The following PARP1 variants were observed in gnomAD, a reference collection of about 807,000 sequenced individuals.
PARP1 encodes poly(ADP-ribose) polymerase 1, also known as poly [ADP-ribose] polymerase 1.
A neutral mutation model predicts 118.7 loss-of-function variants in PARP1; 44 were observed. The ratio of observed to expected loss-of-function variants is 0.37; its 90% CI spans 0.29 to 0.48. The LOEUF (loss-of-function observed/expected upper bound fraction) is 0.48. PARP1 is among the 20% of genes least tolerant of loss of function. The pLI is 0.99. For missense variants in PARP1, 1,100 were observed against 1,272.4 expected (o/e 0.86, Z 2.06); for synonymous variants, 492 against 483.2 (o/e 1.02, Z -0.24).
intron 1 of PARP1, 50 bp from the exon 2 acceptor site, chr1:226,402,429 T>C (rs1447703160): frequency 1.3e-6 from 2 of 1,561,310 alleles, no homozygotes; most frequent in African/African-American, 2.7e-5. Flanking sequence ...AACTTTTGAC[T>C]TAGACCCACT....
chr1:226,379,419 C>T (rs1032668764), intron 11 of PARP1, 145 bp from the exon 12 acceptor site: 279 of 1,229,926 alleles, frequency 2.3e-4, no homozygotes, highest in Middle Eastern at 5.8e-4. Flanking sequence ...TGTGTGTTCT[C>T]AGGACTGGGG....
intron 1 of PARP1, among the ~76,000 whole-genome samples, chr1:226,405,774 G>A (rs913518279): frequency 3.3e-5 from 5 of 152,068 alleles, no homozygotes; most frequent in Admixed American, 6.6e-5. Context: ...CTGTTAAGGC[G>A]CCTGGATGTC....
chr1:226,371,161 G>A (rs1276361671), intron 14 of PARP1: 1 of 156,492 alleles, frequency 6.4e-6, no homozygotes, highest in African/African-American at 2.4e-5. Flanking sequence ...TGTTAAGTGG[G>A]GCCACCTTCC....
intron 1 of PARP1, among the ~76,000 whole-genome samples, chr1:226,406,971 G>A (rs1014327700): frequency 2.0e-5 from 3 of 152,158 alleles, no homozygotes; most frequent in African/African-American, 2.4e-5. Context: ...GAAGCGAGGA[G>A]GAACAGGGCA....
At chr1:226,405,197 C>A (rs1189399582) in intron 1 of PARP1, among the ~76,000 whole-genome samples, 1 of 152,208 alleles carries the variant, frequency 6.6e-6, no homozygotes, top group African/African-American at 2.4e-5. Context: ...TCTGAATCCA[C>A]CCTTAATCAC....
chr1:226,380,039 G>C lies in PARP1; in HGVS notation c.1426C>G (p.His476Asp). ...TCTGCCCCCCAAGGGGACAAGATGT[G>C]CGCTAAGAACAACTCCTGAAGGCTC... Reference protein sequence around the residue: ...TKSLQELFLAHILSPWGAEVK... With the variant: ...TKSLQELFLADILSPWGAEVK... The change falls in exon 10 of 23, where the codon CAC becomes GAC. Residue 476 changes from histidine (H) to aspartate (D), a missense_variant. By Grantham distance (81) the His-to-Asp change is moderately conservative. Around this residue, in one of 2 missense-constraint regions of PARP1, gnomAD observed 948 missense variants for 1,031.8 expected, o/e 0.92. Coordinates refer to ENST00000366794, the MANE Select transcript of PARP1 (RefSeq NM_001618.4). 6.2e-7 allele frequency: 1 copy of C among 1,614,186 alleles called. No individual in the cohort carries two copies. The highest frequency in any genetic ancestry group is 2.2e-5 in the East Asian group (1 of 44,882).
At position 226,366,015 on chromosome 1, in the gene PARP1, C is replaced by G. The variant is rs370284028; in HGVS notation, c.2444G>C (p.Arg815Thr). Residue 815 changes from arginine to threonine, a missense_variant, in exon 18 of 23, where the codon AGG (arginine) becomes ACG (threonine). Physicochemically the swap from Arg to Thr is moderately conservative, Grantham distance 71 (BLOSUM62 -1). Transcript: ENST00000366794. ...TGCATGAGTGTTCTTAACATACTTC[C>G]TGATGATCTCGGCTTCTTCAGAATC... is the stretch of plus-strand genomic sequence containing the variant. Reference protein sequence around the residue: ...DRDSEEAEIIRKYVKNTHATT... With the variant: ...DRDSEEAEIITKYVKNTHATT... 1 of 1,613,496 alleles carries G rather than the reference C, an allele frequency of 6.2e-7. No homozygotes were observed. The highest frequency in any genetic ancestry group is 8.5e-7 in the Non-Finnish European group (1 of 1,179,558).
chr1:226,390,309 G>A (rs1221834099), intron 4 of PARP1, 101 bp downstream of exon 4: 6 of 1,021,418 alleles, frequency 5.9e-6, no homozygotes, highest in African/African-American at 3.2e-5. Context: ...CTGACAGTCA[G>A]CGAAGGGAAA....
intron 4 of PARP1, 29 bp downstream of exon 4, chr1:226,390,381 C>T (rs1360912027): frequency 2.5e-6 from 4 of 1,605,808 alleles, no homozygotes; most frequent in Non-Finnish European, 3.4e-6. Context: ...CACTGAACCC[C>T]CAGGGCAACC....
chr1:226,371,807 T>C (rs1288759093), intron 14 of PARP1, among the ~76,000 whole-genome samples: 5 of 152,184 alleles, frequency 3.3e-5, no homozygotes. Flanking sequence ...TTCTGGTGTT[T>C]ATGTAAAAAA....
intron 1 of PARP1, among the ~76,000 whole-genome samples, chr1:226,406,978 G>C (rs1331022583): frequency 6.6e-6 from 1 of 152,118 alleles, no homozygotes; most frequent in East Asian, 1.9e-4. Context: ...GGAGGAACAG[G>C]GCAGATGAGA....
At chr1:226,384,448 C>T (rs1051100857) in intron 7 of PARP1, among the ~76,000 whole-genome samples, 4 of 152,218 alleles carry the variant, frequency 2.6e-5, no homozygotes, top group Non-Finnish European at 1.5e-5. Context: ...AAACTTGTCT[C>T]GCACATGCAC....
chr1:226,379,051 T>A, intron 12 of PARP1, 91 bp downstream of exon 12: 22 of 1,497,924 alleles, frequency 1.5e-5, no homozygotes, highest in Non-Finnish European at 1.9e-5. Flanking sequence ...GCACTGGGCC[T>A]AACGGGTTTC....
intron 3 of PARP1, 32 bp from the exon 4 acceptor site, chr1:226,390,656 A>G (rs1025848153): frequency 6.3e-7 from 1 of 1,595,130 alleles, no homozygotes; most frequent in Non-Finnish European, 8.6e-7. Flanking sequence ...GTACCAAGGG[A>G]GCGACAAGCA....
Position 226,407,974 on chromosome 1 carries a change from C to T in PARP1, c.-45G>A. On this transcript the variant is annotated 5_prime_UTR_variant, in exon 1 of 23. Transcript: ENST00000366794. ...AAGCTCCGGAAGCCCGACGCCACGACCTAGAAACACGCTGCCGCCTCGCCG... is the reference window on the plus strand; with the variant it reads ...AAGCTCCGGAAGCCCGACGCCACGATCTAGAAACACGCTGCCGCCTCGCCG... 1 of 1,610,888 alleles carries T rather than the reference C, an allele frequency of 6.2e-7. No homozygotes were observed. The highest frequency in any genetic ancestry group is 8.5e-7 in the Non-Finnish European group (1 of 1,178,676).
At chr1:226,390,260 C>A in intron 4 of PARP1, 150 bp downstream of exon 4, 1 of 748,518 alleles carries the variant, frequency 1.3e-6, no homozygotes. Flanking sequence ...CCCCACATCT[C>A]TGCTGTCACC....
chr1:226,395,565 A>C (rs1664898190), intron 2 of PARP1, among the ~76,000 whole-genome samples: 2 of 152,088 alleles, frequency 1.3e-5, no homozygotes, highest in Admixed American at 6.6e-5. Context: ...GAATTACCTG[A>C]ACCCAGGAGG....
Position 226,385,652 on chromosome 1 carries a change from A to C in PARP1, c.863T>G (p.Val288Gly), listed in dbSNP as rs748941108. 6.2e-7 allele frequency: 1 copy of C among 1,614,134 alleles called. No individual in the cohort carries two copies. The highest frequency in any genetic ancestry group is 1.1e-5 in the South Asian group (1 of 91,074). ...CTCGCAGGGAAGGAGGGCACCGAAC[A>C]CCATGCCATCAGCTACTCGGTCCAA... Reference protein sequence around the residue: ...AILDRVADGMVFGALLPCEEC... With the variant: ...AILDRVADGMGFGALLPCEEC... Residue 288 changes from valine (V) to glycine (G), a missense_variant, in exon 7 of 23, where the codon GTG (valine) becomes GGG (glycine). Physicochemically the swap from Val to Gly is moderately radical, Grantham distance 109. Coordinates refer to ENST00000366794, the MANE Select transcript of PARP1 (RefSeq NM_001618.4).
chr1:226,374,660 A>G (rs1664455384), intron 13 of PARP1, among the ~76,000 whole-genome samples: 1 of 152,158 alleles, frequency 6.6e-6, no homozygotes, highest in South Asian at 2.1e-4. Flanking sequence ...CTGCCTGGGA[A>G]CCTGTCTAGT....
Sources: allele counts gnomAD v4.1 joint callset (sites outside exome capture counted in the v4.1 genomes callset), GRCh38; gene constraint gnomAD v4.1.1; regional missense constraint gnomAD v4.1.1; transcripts MANE v1.5; gene names NCBI Gene and HGNC (gene_info 2026-07-23, HGNC 2026-07-21).